The following TBPL2 variants were observed in gnomAD, a reference collection of about 807,000 sequenced individuals.
TBPL2 encodes the protein TATA box-binding protein-like 2.
Under a neutral mutation model 38.2 loss-of-function variants are expected in TBPL2, and 40 were observed. The ratio of observed to expected loss-of-function variants is 1.05; its 90% CI spans 0.81 to 1.36. The LOEUF (loss-of-function observed/expected upper bound fraction) is 1.36. TBPL2 is among the 40% of genes most tolerant of loss of function. TBPL2 has a pLI of 0.00. For synonymous variants in TBPL2, 169 were observed against 171.7 expected (o/e 0.98, Z 0.12); for missense variants, 461 against 456.7 (o/e 1.01, Z -0.09).
chr14:55,431,563 C>CA (rs1885925793), intron 4 of TBPL2, among the ~76,000 whole-genome samples: 1 of 152,152 alleles, frequency 6.6e-6, no homozygotes, highest in South Asian at 2.1e-4. Flanking sequence ...AACATTATTA[C>CA]AGACATCTTG....
rs71131269 is a variant in TBPL2 at position 55,433,309 on chromosome 14, CTTTTTTT to C, written c.788+314_788+320del. 5.9e-3 allele frequency among the ~76,000 whole-genome samples: 706 copies of C among 119,882 alleles called. 10 individuals carry two copies. Among genetic ancestry groups the C allele is most frequent in the East Asian group, 0.05 (209 of 4,168 alleles). 78.6% of individuals were successfully genotyped at this position (119,882 alleles called of 152,430 possible). A position where few individuals can be genotyped will look rare whatever the true frequency, so the allele number is the denominator to read the frequency against. On this transcript the variant is annotated intron_variant, in intron 4 of 6. Transcript: ENST00000247219. Reference sequence around the variant, plus strand: ...ACATCCAGCTACTTTTTAGATTTCTCTTTTTTTTTTTTTTTTTTTTTTTAACAGAGAT... The same window carrying C: ...ACATCCAGCTACTTTTTAGATTTCTCTTTTTTTTTTTTTTTTAACAGAGAT...
At chr14:55,419,487 A>T (rs1885712510) in intron 6 of TBPL2, among the ~76,000 whole-genome samples, 1 of 152,220 alleles carries the variant, frequency 6.6e-6, no homozygotes. Flanking sequence ...TAAGAAAAAA[A>T]CATGGGCCCT....
At chr14:55,439,613 A>ACC (rs143930267) in intron 1 of TBPL2, among the ~76,000 whole-genome samples, 15 of 47,984 alleles carry the variant, frequency 3.1e-4, no homozygotes, top group African/African-American at 9.4e-4. Flanking sequence ...GAGAAAAGCA[A>ACC]ACCCCCCCCC....
chr14:55,440,255 T>G, intron 1 of TBPL2, 141 bp downstream of exon 1: 1 of 1,054,348 alleles, frequency 9.5e-7, no homozygotes, highest in Non-Finnish European at 1.4e-6. Flanking sequence ...TCGAAGCTTC[T>G]AACCTTCAAC....
At chr14:55,420,379 A>T (rs1885724365) in intron 6 of TBPL2, among the ~76,000 whole-genome samples, 1 of 152,208 alleles carries the variant, frequency 6.6e-6, no homozygotes, top group Non-Finnish European at 1.5e-5. Context: ...GCGGGTGAAA[A>T]GAGTCTAGAG....
At chr14:55,437,790 G>T (rs984625290) in intron 1 of TBPL2, among the ~76,000 whole-genome samples, 2 of 152,220 alleles carry the variant, frequency 1.3e-5, no homozygotes, top group South Asian at 2.1e-4. Flanking sequence ...ATAGTTGAAT[G>T]CTAATCAAGA....
At chr14:55,428,965 C>A in exon 5 of TBPL2, 1 of 1,614,064 alleles carries the variant, frequency 6.2e-7, no homozygotes, top group Non-Finnish European at 8.5e-7. Flanking sequence ...CAAGTCGAGA[C>A]TGCTCTTCAC....
At chr14:55,435,353 G>A (rs925385272) in intron 3 of TBPL2, among the ~76,000 whole-genome samples, 5 of 149,386 alleles carry the variant, frequency 3.3e-5, no homozygotes, top group African/African-American at 1.2e-4. Context: ...TTGGCTCACT[G>A]CAACCTCTGC....
intron 1 of TBPL2, among the ~76,000 whole-genome samples, chr14:55,439,623 C>A (rs1445013872): frequency 1.5e-5 from 2 of 136,742 alleles, no homozygotes; most frequent in Non-Finnish European, 3.2e-5. Context: ...AACCCCCCCC[C>A]GTCTCTACTA....
At chr14:55,428,188 G>A (rs1885862269) in intron 5 of TBPL2, among the ~76,000 whole-genome samples, 1 of 134,306 alleles carries the variant, frequency 7.4e-6, no homozygotes, top group Non-Finnish European at 1.5e-5. Flanking sequence ...GGAGTCCAGT[G>A]GCGCGAGGTC....
intron 6 of TBPL2, among the ~76,000 whole-genome samples, chr14:55,418,315 G>T (rs940268495): frequency 1.3e-5 from 2 of 152,152 alleles, no homozygotes; most frequent in Non-Finnish European, 2.9e-5. Flanking sequence ...TGTTGATAAG[G>T]TTTATAAGTT....
intron 5 of TBPL2, among the ~76,000 whole-genome samples, chr14:55,427,395 A>C (rs1428809032): frequency 1.3e-5 from 2 of 152,252 alleles, no homozygotes; most frequent in Non-Finnish European, 2.9e-5. Flanking sequence ...ATATTTTAGA[A>C]GAAAAAGGAA....
chr14:55,435,830 A>G lies in TBPL2; in HGVS notation c.696+17T>C, dbSNP rs768676960. 8 of 1,497,478 alleles carry G rather than the reference A, an allele frequency of 5.3e-6. No individual in the cohort carries two copies. In the East Asian group the frequency reaches 1.9e-4, roughly 36 times the overall value. 92.8% of individuals were successfully genotyped at this position (1,497,478 alleles called of 1,614,324 possible). On this transcript the variant is annotated intron_variant, in intron 3 of 6. Coordinates refer to ENST00000247219, the Ensembl canonical transcript of TBPL2. ...AAAGAGAAGCTAATTATTGGAAGGA[A>G]TACTGAGAAATGTTACCTTTGGGTT... is the stretch of plus-strand genomic sequence containing the variant.
intron 3 of TBPL2, among the ~76,000 whole-genome samples, chr14:55,434,437 G>A (rs896495802): frequency 3.9e-5 from 6 of 152,050 alleles, no homozygotes; most frequent in Non-Finnish European, 4.4e-5. Flanking sequence ...TCCTCTCCCC[G>A]GTTAAGCTAG....
chr14:55,424,312 C>T (rs1048782468), intron 5 of TBPL2, 59 bp from the exon 6 acceptor site: 2 of 1,082,534 alleles, frequency 1.8e-6, no homozygotes, highest in African/African-American at 1.6e-5. Context: ...TTTCCCATAA[C>T]ATGTAAGGCC....
intron 3 of TBPL2, among the ~76,000 whole-genome samples, chr14:55,435,274 T>C (rs1158776299): frequency 7.0e-6 from 1 of 143,156 alleles, no homozygotes; most frequent in Non-Finnish European, 1.5e-5. Flanking sequence ...AATAGTCAGG[T>C]GAAATTTTTT....
intron 2 of TBPL2, 33 bp downstream of exon 2, chr14:55,436,528 A>AT: frequency 6.4e-7 from 1 of 1,569,482 alleles, no homozygotes; most frequent in Admixed American, 1.7e-5. Flanking sequence ...TGTGTACCCA[A>AT]TGTGCTCAAT....
chr14:55,440,610 G>C, exon 1 of TBPL2: 2 of 1,491,078 alleles, frequency 1.3e-6, no homozygotes, highest in Non-Finnish European at 1.8e-6. Flanking sequence ...GGGCGCGAGA[G>C]AAGCGTTGGG....
At chr14:55,426,673 A>T (rs1227198901) in intron 5 of TBPL2, among the ~76,000 whole-genome samples, 1 of 152,116 alleles carries the variant, frequency 6.6e-6, no homozygotes, top group Non-Finnish European at 1.5e-5. Context: ...GACTAGAAAT[A>T]GAAAGTTGTG....
Sources: gnomAD v4.1 joint callset for allele counts (sites outside exome capture counted in the v4.1 genomes callset) on GRCh38, gnomAD v4.1.1 for gene constraint, MANE v1.5 for transcripts, NCBI Gene and HGNC (gene_info 2026-07-23, HGNC 2026-07-21) for gene names.